The following ABCC3 variants were observed in gnomAD, a reference collection of about 807,000 sequenced individuals.
The protein encoded by ABCC3 is ATP binding cassette subfamily C member 3, also known as ATP-binding cassette sub-family C member 3.
In ABCC3, 121 loss-of-function variants were observed where a neutral mutation model predicts 165.3. That is an observed-to-expected ratio of 0.73 (90% CI 0.63 to 0.85). The LOEUF (loss-of-function observed/expected upper bound fraction) is 0.85, where lower values mean the gene tolerates loss of function less well. Ranked by LOEUF, ABCC3 falls within the 40% of genes least tolerant of loss-of-function variation. The probability of loss-of-function intolerance (pLI) is 0.00; values close to 1 mark genes in which losing one functional copy is unlikely to be tolerated. For synonymous variants in ABCC3, 733 were observed against 810.1 expected (o/e 0.90, Z 1.62); for missense variants, 1,869 against 1,964.1 (o/e 0.95, Z 0.92).
intron 29 of ABCC3, among the ~76,000 whole-genome samples, chr17:50,685,319 A>G (rs1459578035): frequency 1.3e-5 from 2 of 152,174 alleles, no homozygotes; most frequent in African/African-American, 2.4e-5. Context: ...AAGGTTGGAG[A>G]TACCTATACC....
At chr17:50,662,242 A>T (rs1317002517) in intron 8 of ABCC3, 1 of 152,058 alleles carries the variant, frequency 6.6e-6, no homozygotes, top group Non-Finnish European at 1.5e-5. Context: ...GTGCCAGGCA[A>T]CCTGGGTGCT....
chr17:50,669,458 T>C lies in ABCC3; in HGVS notation c.2171T>C (p.Leu724Pro), dbSNP rs1055418411. The change falls in exon 17 of 31, where the codon CTG becomes CCG. Residue 724 changes from leucine (L) to proline (P), a missense_variant. Coordinates refer to ENST00000285238, the MANE Select transcript of ABCC3 (RefSeq NM_003786.4). ...ALNPKRYQQT[L>P]EACALLADLE... ...AACCCCAAGCGCTACCAGCAGACTC[T>C]GGAGGCCTGTGCCTTGCTAGCTGAC... 2.3e-5 allele frequency: 37 copies of C among 1,614,118 alleles called. No homozygotes were observed. Among genetic ancestry groups the C allele is most frequent in the Non-Finnish European group, 3.1e-5 (36 of 1,180,030 alleles).
At position 50,657,041 on chromosome 17, in the gene ABCC3, C is replaced by T; in HGVS notation, c.349-5C>T. 6.2e-7 allele frequency: 1 copy of T among 1,612,752 alleles called. No individual in the cohort carries two copies. Among genetic ancestry groups the T allele is most frequent in the Non-Finnish European group, 8.5e-7 (1 of 1,179,320 alleles). On this transcript the variant is annotated splice_polypyrimidine_tract_variant and splice_region_variant and intron_variant, in intron 3 of 30. Transcript: ENST00000285238. Reference sequence around the variant, plus strand: ...TGCCCGGGCCTCCCTGCCCTCCCTGCACAGCTGCTGGCCACCCTGCTGATA... The same window carrying T: ...TGCCCGGGCCTCCCTGCCCTCCCTGTACAGCTGCTGGCCACCCTGCTGATA...
intron 24 of ABCC3, 35 bp downstream of exon 24, chr17:50,677,978 A>G: frequency 6.2e-7 from 1 of 1,613,924 alleles, no homozygotes; most frequent in Non-Finnish European, 8.5e-7. Context: ...CTGCTCCTCC[A>G]GGAATTCCCA....
At chr17:50,682,544 A>T (rs1455965366) in intron 26 of ABCC3, among the ~76,000 whole-genome samples, 2 of 151,804 alleles carry the variant, frequency 1.3e-5, no homozygotes, top group Admixed American at 6.6e-5. Context: ...AGAGCCATTT[A>T]TGCCTGCTGT....
intron 26 of ABCC3, among the ~76,000 whole-genome samples, chr17:50,682,301 C>T (rs1967942512): frequency 6.9e-6 from 1 of 145,030 alleles, no homozygotes; most frequent in Admixed American, 7.1e-5. Context: ...CCACCATCAT[C>T]TTATGCCCTG....
At chr17:50,668,804 C>T in intron 14 of ABCC3, 49 bp from the exon 15 acceptor site, 3 of 1,539,872 alleles carry the variant, frequency 1.9e-6, no homozygotes, top group Non-Finnish European at 2.7e-6. Context: ...TGCAGGCTAC[C>T]CCATCCCTTG....
chr17:50,675,655 T>C lies in ABCC3; in HGVS notation c.2739T>C (p.Asp913=), dbSNP rs1567836382. 6.4e-7 allele frequency: 1 copy of C among 1,572,750 alleles called. No individual in the cohort carries two copies. Among genetic ancestry groups the C allele is most frequent in the South Asian group, 1.2e-5 (1 of 85,866 alleles). ...FMRQLSALSS[D]GEGQGRPVPR... ...GACAGCTGAGTGCCCTGTCCTCAGA[T>C]GGGGAGGGACAGGGTCGGCCTGTAC... is the stretch of plus-strand genomic sequence containing the variant. Residue 913 remains aspartate (D), a synonymous_variant, in exon 21 of 31, where the codon GAT becomes GAC. Coordinates refer to ENST00000285238, the MANE Select transcript of ABCC3 (RefSeq NM_003786.4).
At chr17:50,678,260 A>G (rs188121976) in intron 25 of ABCC3, 41 bp downstream of exon 25, 2 of 1,509,368 alleles carry the variant, frequency 1.3e-6, no homozygotes, top group Non-Finnish European at 1.8e-6. Context: ...CACCACTGGG[A>G]CAGAAACCAC....
chr17:50,664,702 CAAAAAAAAAAA>C (rs58513664), intron 10 of ABCC3: 8 of 47,966 alleles, frequency 1.7e-4, no homozygotes, highest in East Asian at 6.8e-4. Flanking sequence ...GACTCTGTCT[CAAAAAAAAAAA>C]AAAAAAAAAA....
intron 1 of ABCC3, among the ~76,000 whole-genome samples, chr17:50,653,433 C>A (rs1967156052): frequency 6.6e-6 from 1 of 150,646 alleles, no homozygotes; most frequent in Non-Finnish European, 1.5e-5. Context: ...ATAAGCAATT[C>A]ATGAATTCAG....
chr17:50,643,688 C>T (rs920855862), intron 1 of ABCC3: 1 of 454,976 alleles, frequency 2.2e-6, no homozygotes, highest in Admixed American at 2.4e-5. Context: ...GCCTGTCACC[C>T]CTCCCTGGAG....
rs750179426 is a variant in ABCC3, at chr17:50,676,078, G to A, written c.3055G>A (p.Gly1019Arg). 6.2e-7 allele frequency: 1 copy of A among 1,614,196 alleles called. No homozygotes were observed. The highest frequency in any genetic ancestry group is 8.5e-7 in the Non-Finnish European group (1 of 1,180,034). ...SLRLGVYAAL[G>R]ILQGFLVMLA... ...GAGGCTGGGCGTCTATGCTGCTTTA[G>A]GAATTCTGCAAGGTGAGCTTGTGGG... Residue 1019 changes from glycine to arginine, a missense_variant, in exon 22 of 31, where the codon GGA (glycine) becomes AGA (arginine). Physicochemically the swap from Gly to Arg is moderately radical, Grantham distance 125. Transcript: ENST00000285238.
chr17:50,689,431 T>C (rs547033926), intron 30 of ABCC3, among the ~76,000 whole-genome samples: 32 of 151,680 alleles, frequency 2.1e-4, no homozygotes, highest in Non-Finnish European at 3.7e-4. Context: ...CTCACGGGAG[T>C]GAACTGGCCC....
chr17:50,668,121 G>T (rs1967566506), intron 13 of ABCC3, 112 bp downstream of exon 13: 1 of 968,480 alleles, frequency 1.0e-6, no homozygotes, highest in Non-Finnish European at 1.6e-6. Context: ...ATTCAGGGAA[G>T]GTTGCTAGCA....
chr17:50,664,702 CAAAAAAAAAAAAAAAAA>C (rs58513664), intron 10 of ABCC3: 25 of 47,980 alleles, frequency 5.2e-4, no homozygotes, highest in African/African-American at 1.9e-3. Context: ...GACTCTGTCT[CAAAAAAAAAAAAAAAAA>C]AAAAAAAAGA....
chr17:50,673,901 T>C (rs1377938131), intron 19 of ABCC3, among the ~76,000 whole-genome samples: 1 of 9,052 alleles, frequency 1.1e-4, no homozygotes, highest in African/African-American at 5.8e-4. Flanking sequence ...CAGAGCCTGT[T>C]TTCTTTCTTT....
chr17:50,679,926 G>C, intron 26 of ABCC3, 27 bp downstream of exon 26: 1 of 1,588,138 alleles, frequency 6.3e-7, no homozygotes. Flanking sequence ...GCCCGGGACA[G>C]GGGGAATCTG....
At chr17:50,636,925 ACAAT>A (rs1167421353) in intron 1 of ABCC3, among the ~76,000 whole-genome samples, 1 of 152,200 alleles carries the variant, frequency 6.6e-6, no homozygotes, top group Non-Finnish European at 1.5e-5. Flanking sequence ...AGGTCACAGG[ACAAT>A]CAAAGACAGA....
Sources: allele counts gnomAD v4.1 joint callset (sites outside exome capture counted in the v4.1 genomes callset), GRCh38; gene constraint gnomAD v4.1.1; transcripts MANE v1.5; gene names NCBI Gene and HGNC (gene_info 2026-07-23, HGNC 2026-07-21).